The following TTI2 variants were observed in gnomAD, a reference collection of about 807,000 sequenced individuals.
The protein encoded by TTI2 is TELO2-interacting protein 2.
TTI2 carries 26 observed loss-of-function variants against 44.9 expected under a neutral mutation model. The observed-to-expected ratio is 0.58, with a 90% CI of 0.42 to 0.80. The LOEUF (loss-of-function observed/expected upper bound fraction) is 0.80. TTI2 is among the 30% of genes least tolerant of loss of function. TTI2 has a pLI of 0.00. For synonymous variants in TTI2, 254 were observed against 250.9 expected (o/e 1.01, Z -0.12); for missense variants, 582 against 611.6 (o/e 0.95, Z 0.51).
At chr8:33,501,808 A>G (rs1273980779) in intron 6 of TTI2, among the ~76,000 whole-genome samples, 1 of 152,114 alleles carries the variant, frequency 6.6e-6, no homozygotes, top group Non-Finnish European at 1.5e-5. Context: ...GCTGAATTCA[A>G]TTTTCAGCTA....
Position 33,509,840 on chromosome 8 carries a change from C to CT in TTI2, c.739dup (p.Arg247LysfsTer12). 1 of 1,614,128 alleles carries CT rather than the reference C, an allele frequency of 6.2e-7. No homozygotes were observed. Among genetic ancestry groups the CT allele is most frequent in the South Asian group, 1.1e-5 (1 of 91,082 alleles). On this transcript the variant is annotated frameshift_variant, in exon 3 of 8. Coordinates refer to ENST00000431156, the MANE Select transcript of TTI2 (RefSeq NM_001102401.4). LOFTEE classifies it high-confidence loss of function. ...AATGACCAATGATGCGGGAAGTACC[C>CT]TTTCCAGATGCTGGCTCAGCCAGGG... is the stretch of plus-strand genomic sequence containing the variant.
rs964540265 is a variant in TTI2 at position 33,498,817 on chromosome 8, G to C, written c.*356C>G. ...TGGAGTGAGTGAAGAAAGCTAAGTT[G>C]TGAACAAGAGTGTTTTTATAGCATA... On this transcript the variant is annotated 3_prime_UTR_variant, in exon 8 of 8. Transcript: ENST00000431156. The C allele has an allele frequency of 1.6e-6, 1 of 621,556 alleles. No individual in the cohort carries two copies. Among genetic ancestry groups the C allele is most frequent in the African/African-American group, 1.8e-5 (1 of 54,276 alleles). The allele number at this position is 621,556 out of a possible 1,614,324, so 38.5% of individuals were successfully genotyped here.
At position 33,512,150 on chromosome 8, in the gene TTI2, A is replaced by T; in HGVS notation, c.464T>A (p.Ile155Asn). Residue 155 changes from isoleucine (I) to asparagine (N), a missense_variant, in exon 2 of 8, where the codon ATC (isoleucine) becomes AAC (asparagine). Coordinates refer to ENST00000431156, the MANE Select transcript of TTI2 (RefSeq NM_001102401.4). ...HLAGPVYIFA[I>N]THSLEQPWTT... The stretch of plus-strand genomic sequence containing the variant: ...CCATGGTTGCTCCAAGCTGTGTGTG[A>T]TGGCAAAAATATAAACGGGTCCTGC... 1 of 1,614,140 alleles carries T rather than the reference A, an allele frequency of 6.2e-7. No individual in the cohort carries two copies. Among genetic ancestry groups the T allele is most frequent in the Non-Finnish European group, 8.5e-7 (1 of 1,180,006 alleles).
chr8:33,498,722 T>A lies in TTI2; in HGVS notation c.*451A>T. 2 of 1,099,570 alleles carry A rather than the reference T, an allele frequency of 1.8e-6. No individual in the cohort carries two copies. The highest frequency in any genetic ancestry group is 2.6e-6 in the Non-Finnish European group (2 of 767,132). 68.1% of individuals were successfully genotyped at this position (1,099,570 alleles called of 1,614,324 possible). ...ACACATACACACCTCCAGTTTTTGC[T>A]CTTTTGTGTTGTACTGAACACAATA... On this transcript the variant is annotated 3_prime_UTR_variant, in exon 8 of 8. Coordinates refer to ENST00000431156, the MANE Select transcript of TTI2 (RefSeq NM_001102401.4).
chr8:33,503,312 G>T, intron 6 of TTI2, 117 bp downstream of exon 6: 1 of 1,385,706 alleles, frequency 7.2e-7, no homozygotes, highest in Non-Finnish European at 1.0e-6. Flanking sequence ...GTGTGAAAAT[G>T]GGAGGTATTC....
At chr8:33,511,036 A>C (rs567126400) in intron 2 of TTI2, among the ~76,000 whole-genome samples, 2 of 152,054 alleles carry the variant, frequency 1.3e-5, no homozygotes, top group African/African-American at 4.8e-5. Context: ...CCCCATCCAA[A>C]TTCTAGTAAT....
chr8:33,502,540 T>C (rs1276203988), intron 6 of TTI2, among the ~76,000 whole-genome samples: 1 of 151,952 alleles, frequency 6.6e-6, no homozygotes, highest in Non-Finnish European at 1.5e-5. Flanking sequence ...TCTTAAGATA[T>C]ATAGCCAGGC....
intron 7 of TTI2, chr8:33,499,905 T>C (rs1809002063): frequency 6.3e-6 from 1 of 158,282 alleles, no homozygotes; most frequent in Non-Finnish European, 1.4e-5. Flanking sequence ...GAAAAACATC[T>C]ACCTAAAAGA....
At chr8:33,502,900 C>A (rs896021148) in intron 6 of TTI2, among the ~76,000 whole-genome samples, 1 of 146,330 alleles carries the variant, frequency 6.8e-6, no homozygotes, top group Non-Finnish European at 1.5e-5. Context: ...GAGGCCAAGG[C>A]GGGTGGATTA....
chr8:33,500,493 G>C lies in TTI2; in HGVS notation c.1260-3C>G. 1.2e-6 allele frequency: 2 copies of C among 1,613,868 alleles called. No individual in the cohort carries two copies. Among genetic ancestry groups the C allele is most frequent in the Non-Finnish European group, 1.7e-6 (2 of 1,179,954 alleles). ...AGACCACAAGTCTGCAGGAAACTCT[G>C]GAATCAGGAAGAAAAGCTATGTTCA... On this transcript the variant is annotated splice_polypyrimidine_tract_variant and splice_region_variant and intron_variant, in intron 6 of 7. Transcript: ENST00000431156.
intron 4 of TTI2, among the ~76,000 whole-genome samples, chr8:33,504,298 T>TTTTTC: frequency 7.6e-6 from 1 of 132,092 alleles, no homozygotes; most frequent in East Asian, 2.2e-4. Context: ...CATTTTTTTT[T>TTTTTC]TTTTTTTTTT....
At chr8:33,505,249 T>C (rs917964963) in intron 4 of TTI2, among the ~76,000 whole-genome samples, 8 of 151,572 alleles carry the variant, frequency 5.3e-5, no homozygotes, top group African/African-American at 1.9e-4. Context: ...AAAATAAAAA[T>C]AAAGGCAGCA....
rs947797039 is a variant in TTI2, at chr8:33,511,955, A to T, written c.647+12T>A. The T allele has an allele frequency of 1.9e-6, 3 of 1,614,130 alleles. No individual in the cohort carries two copies. Among genetic ancestry groups the T allele is most frequent in the Non-Finnish European group, 2.5e-6 (3 of 1,179,970 alleles). ...GAGGCTCAAGTCGGTGGCAAAGGGC[A>T]GGAGTACTCACTTATACAAGTCGGG... On this transcript the variant is annotated intron_variant, in intron 2 of 7. Transcript: ENST00000431156.
Position 33,507,222 on chromosome 8 carries a change from C to A in TTI2, c.927+7G>T. On this transcript the variant is annotated splice_region_variant and intron_variant, in intron 4 of 7. Transcript: ENST00000431156. ...CAGACCCAGTTATGAAGAAATCATA[C>A]TATTACCTGAATGAGGTGGTGCTCT... 1 of 1,612,694 alleles carries A rather than the reference C, an allele frequency of 6.2e-7. No homozygotes were observed. Among genetic ancestry groups the A allele is most frequent in the Non-Finnish European group, 8.5e-7 (1 of 1,178,672 alleles).
chr8:33,503,581 G>GAAAGAGAAA lies in TTI2; in HGVS notation c.1116-18_1116-10dup, dbSNP rs1809182261. On this transcript the variant is annotated splice_polypyrimidine_tract_variant and intron_variant, in intron 5 of 7. Transcript: ENST00000431156. ...CAGTTAGGATCCCCAACCTAAAGAT[G>GAAAGAGAAA]AAAGAGAAAATATGACGCCAGTGCA... 6.2e-7 allele frequency: 1 copy of GAAAGAGAAA among 1,613,506 alleles called. No homozygotes were observed. Among genetic ancestry groups the GAAAGAGAAA allele is most frequent in the African/African-American group, 1.3e-5 (1 of 74,876 alleles).
At chr8:33,509,468 AAAAAAAAAG>A (rs1397111576) in intron 3 of TTI2, among the ~76,000 whole-genome samples, 16 of 146,818 alleles carry the variant, frequency 1.1e-4, no homozygotes, top group Non-Finnish European at 2.2e-4. Context: ...AAAAAAAAAA[AAAAAAAAAG>A]AAAGAAAGAA....
chr8:33,512,867 T>G, intron 1 of TTI2, 155 bp from the exon 2 acceptor site: 1 of 194,916 alleles, frequency 5.1e-6, no homozygotes, highest in Non-Finnish European at 9.1e-6. Context: ...AGAGTGAGAC[T>G]CCGTCTCAGT....
At chr8:33,509,628 A>G (rs886792767) in intron 3 of TTI2, 118 bp downstream of exon 3, 6 of 1,011,440 alleles carry the variant, frequency 5.9e-6, no homozygotes, top group South Asian at 4.0e-5. Flanking sequence ...GAGGAAAAAT[A>G]TAAGGAGAAA....
At chr8:33,510,017 G>T in intron 2 of TTI2, 85 bp from the exon 3 acceptor site, 1 of 1,085,454 alleles carries the variant, frequency 9.2e-7, no homozygotes, top group Non-Finnish European at 1.3e-6. Context: ...AAGCTAAACA[G>T]AGTATTTTCA....
Sources: gnomAD v4.1 joint callset for allele counts (sites outside exome capture counted in the v4.1 genomes callset) on GRCh38, gnomAD v4.1.1 for gene constraint, MANE v1.5 for transcripts, NCBI Gene and HGNC (gene_info 2026-07-23, HGNC 2026-07-21) for gene names.